The following TRPM3 variants were observed in gnomAD, a reference collection of about 807,000 sequenced individuals.
The protein encoded by TRPM3 is transient receptor potential cation channel subfamily M member 3.
TRPM3 carries 77 observed loss-of-function variants against 181.2 expected under a neutral mutation model. The observed-to-expected ratio is 0.42, with a 90% CI of 0.35 to 0.51. TRPM3 has a LOEUF of 0.51. Ranked by LOEUF, TRPM3 falls within the 20% of genes least tolerant of loss-of-function variation. TRPM3 has a pLI of 0.01. For missense variants in TRPM3, 1,759 were observed against 2,196.7 expected (o/e 0.80, Z 3.98); for synonymous variants, 745 against 796.4 (o/e 0.94, Z 1.09).
At chr9:70,688,003 C>A (rs533714398) in intron 8 of TRPM3, among the ~76,000 whole-genome samples, 1 of 152,316 alleles carries the variant, frequency 6.6e-6, no homozygotes, top group East Asian at 1.9e-4. Context: ...AAGTTCTCTG[C>A]CACATGGGTT....
At chr9:70,938,935 G>C (rs1485255391) in intron 1 of TRPM3, among the ~76,000 whole-genome samples, 1 of 151,160 alleles carries the variant, frequency 6.6e-6, no homozygotes, top group African/African-American at 2.4e-5. Flanking sequence ...TCCAGCCTGG[G>C]GGACAGAGCG....
At chr9:71,300,601 G>C (rs1451490138) in intron 1 of TRPM3, among the ~76,000 whole-genome samples, 3 of 152,030 alleles carry the variant, frequency 2.0e-5, no homozygotes, top group Non-Finnish European at 4.4e-5. Context: ...TGTTTTTAAA[G>C]ATGATGCTGG....
At chr9:70,555,070 T>A (rs1415022237) in intron 22 of TRPM3, among the ~76,000 whole-genome samples, 4 of 152,210 alleles carry the variant, frequency 2.6e-5, no homozygotes, top group Non-Finnish European at 5.9e-5. Context: ...CCTCTCCCTC[T>A]GAGCACAAAC....
chr9:70,819,767 A>G (rs2093009428), intron 6 of TRPM3, among the ~76,000 whole-genome samples: 1 of 152,248 alleles, frequency 6.6e-6, no homozygotes, highest in Non-Finnish European at 1.5e-5. Flanking sequence ...AGAAAATTCT[A>G]GCCTCATAAT....
chr9:70,863,080 A>C lies in TRPM3; in HGVS notation c.290T>G (p.Val97Gly). The C allele has an allele frequency of 1.2e-6, 2 of 1,613,554 alleles. No homozygotes were observed. The highest frequency in any genetic ancestry group is 1.7e-6 in the Non-Finnish European group (2 of 1,179,634). Residue 97 changes from valine to glycine, a missense_variant, in exon 3 of 26, where the codon GTT becomes GGT. Val to Gly is a moderately radical substitution (Grantham distance 109). Coordinates refer to ENST00000677713, the MANE Select transcript of TRPM3 (RefSeq NM_001366145.2). The stretch of plus-strand genomic sequence containing the variant: ...CACGGAGATACTGGGGGTGAGGCCA[A>C]CATGCTGGCCTATCAGACGCCCACA... ...CCCGRLIGQH[V>G]GLTPSISVLQ... is the part of the protein sequence containing the mutation.
intron 22 of TRPM3, among the ~76,000 whole-genome samples, chr9:70,567,048 T>C (rs940383669): frequency 6.6e-6 from 1 of 152,236 alleles, no homozygotes; most frequent in African/African-American, 2.4e-5. Context: ...CTTTTCTCAC[T>C]GCAGTTAAAC....
intron 1 of TRPM3, among the ~76,000 whole-genome samples, chr9:71,415,319 C>G (rs1228013596): frequency 6.6e-6 from 1 of 152,054 alleles, no homozygotes; most frequent in African/African-American, 2.4e-5. Flanking sequence ...CTTCTGTTGT[C>G]TTAAGCTACT....
At chr9:71,112,310 A>G (rs1212323663) in intron 1 of TRPM3, among the ~76,000 whole-genome samples, 1 of 152,206 alleles carries the variant, frequency 6.6e-6, no homozygotes, top group Non-Finnish European at 1.5e-5. Flanking sequence ...GATAATTTTT[A>G]TCTCTCACTT....
intron 1 of TRPM3, among the ~76,000 whole-genome samples, chr9:70,964,347 C>T (rs2097165438): frequency 6.6e-6 from 1 of 151,970 alleles, no homozygotes; most frequent in Non-Finnish European, 1.5e-5. Context: ...AGTTAATTAA[C>T]AGAGAGGTAA....
Position 70,535,565 on chromosome 9 carries a change from C to A in TRPM3, c.*388G>T. ...TTTATTTTGCAATTTAGCCCTGCAT[C>A]CTACAACTCTTGATAATGGTCAGAA... On this transcript the variant is annotated 3_prime_UTR_variant, in exon 26 of 26. Transcript: ENST00000677713. 1 of 1,529,744 alleles carries A rather than the reference C, an allele frequency of 6.5e-7. No homozygotes were observed. The allele number at this position is 1,529,744 out of a possible 1,614,324, so 94.8% of individuals were successfully genotyped here. A position where few individuals can be genotyped will look rare whatever the true frequency, so the allele number is the denominator to read the frequency against.
At chr9:70,934,945 A>C (rs2096812459) in intron 1 of TRPM3, among the ~76,000 whole-genome samples, 1 of 152,192 alleles carries the variant, frequency 6.6e-6, no homozygotes, top group South Asian at 2.1e-4. Flanking sequence ...CACAGGTGAG[A>C]TATTTGCAAT....
At chr9:70,597,210 G>C (rs1181781503) in intron 21 of TRPM3, among the ~76,000 whole-genome samples, 1 of 152,108 alleles carries the variant, frequency 6.6e-6, no homozygotes, top group Non-Finnish European at 1.5e-5. Flanking sequence ...TAGGATTACA[G>C]GTGTGAGCCA....
At chr9:71,178,954 A>G (rs1484319547) in intron 1 of TRPM3, among the ~76,000 whole-genome samples, 1 of 152,176 alleles carries the variant, frequency 6.6e-6, no homozygotes, top group Non-Finnish European at 1.5e-5. Flanking sequence ...AGATGCTACA[A>G]ATTAACTTTT....
intron 1 of TRPM3, among the ~76,000 whole-genome samples, chr9:70,902,644 C>G (rs2133041353): frequency 6.6e-6 from 1 of 152,098 alleles, no homozygotes; most frequent in East Asian, 1.9e-4. Flanking sequence ...GCAAAAAAAA[C>G]AAGCCATGCT....
intron 1 of TRPM3, among the ~76,000 whole-genome samples, chr9:70,906,410 C>A (rs113066249): frequency 6.6e-5 from 10 of 152,216 alleles, no homozygotes; most frequent in Middle Eastern, 3.4e-3. Flanking sequence ...AAAGAGAGGG[C>A]CGAAATCAAA....
At position 70,633,280 on chromosome 9, in the gene TRPM3, C is replaced by T. The variant is rs147700450; in HGVS notation, c.1632+1931G>A. Among the ~76,000 whole-genome samples the T allele has an allele frequency of 2.2e-3, 335 of 152,288 alleles. 1 individual carries two copies. Among genetic ancestry groups the T allele is most frequent in the Middle Eastern group, 6.8e-3 (2 of 294 alleles). ...AACTATCTCTCTGAAGAAGACACAT[C>T]GAATGTGTCTACTTCTACTCTTCTG... On this transcript the variant is annotated intron_variant, in intron 12 of 25. Coordinates refer to ENST00000677713, the MANE Select transcript of TRPM3 (RefSeq NM_001366145.2).
In TRPM3 at chr9:70,864,525, CAAAAAA is replaced by C. The variant is rs71367234; in HGVS notation, c.178-20_178-15del. The C allele has an allele frequency of 2.5e-4, 224 of 899,550 alleles. 4 individuals are homozygous for C. Among genetic ancestry groups the C allele is most frequent in the East Asian group, 1.4e-3 (42 of 30,418 alleles). The allele number at this position is 899,550 out of a possible 1,614,324, so 55.7% of individuals were successfully genotyped here. The stretch of plus-strand genomic sequence containing the variant: ...GGATTTCTGAGCCTGAAAAAGAAAA[CAAAAAA>C]AAAAAAAAAAGAAAAAAGAAAGAAA... On this transcript the variant is annotated splice_polypyrimidine_tract_variant and intron_variant, in intron 1 of 25. Coordinates refer to ENST00000677713, the MANE Select transcript of TRPM3 (RefSeq NM_001366145.2).
intron 1 of TRPM3, among the ~76,000 whole-genome samples, chr9:70,920,190 A>C (rs1294691099): frequency 6.6e-6 from 1 of 152,204 alleles, no homozygotes; most frequent in Non-Finnish European, 1.5e-5. Context: ...TGCAGTAGGA[A>C]TTCAGCAAAC....
intron 1 of TRPM3, among the ~76,000 whole-genome samples, chr9:71,016,165 G>T (rs556364472): frequency 5.0e-4 from 75 of 150,598 alleles, no homozygotes; most frequent in African/African-American, 1.8e-3. Context: ...AAATTCTGAA[G>T]ATATTACCAA....
Sources: allele counts gnomAD v4.1 joint callset (sites outside exome capture counted in the v4.1 genomes callset), GRCh38; gene constraint gnomAD v4.1.1; transcripts MANE v1.5; gene names NCBI Gene and HGNC (gene_info 2026-07-23, HGNC 2026-07-21).